DIAPH3: variants seen among roughly 807,000 people sequenced by gnomAD.
DIAPH3 encodes the protein protein diaphanous homolog 3.
DIAPH3 carries 117 observed loss-of-function variants against 144.3 expected under a neutral mutation model. The ratio of observed to expected loss-of-function variants is 0.81; its 90% CI spans 0.70 to 0.95. The LOEUF (loss-of-function observed/expected upper bound fraction) is 0.95, where lower values mean the gene tolerates loss of function less well. Among genes scored for constraint, DIAPH3 ranks in the 40% least tolerant of loss-of-function variants. The probability of loss-of-function intolerance (pLI) is 0.00; values close to 1 mark genes in which losing one functional copy is unlikely to be tolerated. For synonymous variants in DIAPH3, 519 were observed against 488.9 expected (o/e 1.06, Z -0.81); for missense variants, 1,421 against 1,412.7 (o/e 1.01, Z -0.09).
intron 17 of DIAPH3, among the ~76,000 whole-genome samples, chr13:59,933,037 C>T (rs917125824): frequency 1.3e-5 from 2 of 151,918 alleles, no homozygotes; most frequent in East Asian, 3.9e-4. Flanking sequence ...CTGATAAAGC[C>T]GCACATAAAT....
At chr13:59,799,574 C>A (rs1022916862) in intron 25 of DIAPH3, among the ~76,000 whole-genome samples, 14 of 152,190 alleles carry the variant, frequency 9.2e-5, no homozygotes, top group Non-Finnish European at 1.8e-4. Context: ...TATAAGAGCA[C>A]ATAAAACAAA....
intron 20 of DIAPH3, among the ~76,000 whole-genome samples, chr13:59,908,429 A>G (rs2140220601): frequency 6.6e-6 from 1 of 151,060 alleles, no homozygotes; most frequent in East Asian, 2.0e-4. Flanking sequence ...TATTTCTGAT[A>G]TATGCTAATT....
Position 59,992,146 on chromosome 13 carries a change from A to C in DIAPH3, c.1166T>G (p.Leu389Arg). 3 of 1,611,928 alleles carry C rather than the reference A, an allele frequency of 1.9e-6. No homozygotes were observed. Among genetic ancestry groups the C allele is most frequent in the Non-Finnish European group, 2.5e-6 (3 of 1,178,752 alleles). ...TTCTTTATGCTCATCAAAGACTTTAAGTTGGATATCCAGGCCATCATTCTT... is the reference window on the plus strand; with the variant it reads ...TTCTTTATGCTCATCAAAGACTTTACGTTGGATATCCAGGCCATCATTCTT... ...CIKNDGLDIQ[L>R]KVFDEHKEED... The change falls in exon 11 of 28, where the codon CTT becomes CGT. Residue 389 changes from leucine to arginine, a missense_variant. By Grantham distance (102) the Leu-to-Arg change is moderately radical. Coordinates refer to ENST00000400324, the MANE Select transcript of DIAPH3 (RefSeq NM_001042517.2).
intron 27 of DIAPH3, among the ~76,000 whole-genome samples, chr13:59,704,080 C>G (rs1025043616): frequency 2.6e-5 from 4 of 152,194 alleles, no homozygotes; most frequent in African/African-American, 9.7e-5. Context: ...ATCATTTCCT[C>G]AGCAAAAATA....
chr13:60,025,861 A>C (rs1478097097), intron 5 of DIAPH3, among the ~76,000 whole-genome samples: 1 of 152,140 alleles, frequency 6.6e-6, no homozygotes, highest in African/African-American at 2.4e-5. Context: ...ACTATTACAA[A>C]AATAAACAGA....
chr13:59,922,424 TTC>T (rs1454155231), intron 18 of DIAPH3, among the ~76,000 whole-genome samples: 1 of 152,094 alleles, frequency 6.6e-6, no homozygotes, highest in Admixed American at 6.6e-5. Flanking sequence ...GACTTTTAGA[TTC>T]TTTCTCCAAA....
intron 2 of DIAPH3, among the ~76,000 whole-genome samples, chr13:60,123,661 C>T (rs374985295): frequency 6.6e-6 from 1 of 152,112 alleles, no homozygotes; most frequent in African/African-American, 2.4e-5. Flanking sequence ...CATTCAGTCG[C>T]CCCAATCCAT....
intron 5 of DIAPH3, among the ~76,000 whole-genome samples, chr13:60,038,688 T>C (rs990690581): frequency 6.6e-6 from 1 of 152,188 alleles, no homozygotes; most frequent in Non-Finnish European, 1.5e-5. Flanking sequence ...TTCTTGTTAA[T>C]TTGAAAATGA....
At chr13:59,699,204 G>T (rs1170188352) in intron 27 of DIAPH3, among the ~76,000 whole-genome samples, 2 of 152,198 alleles carry the variant, frequency 1.3e-5, no homozygotes, top group African/African-American at 4.8e-5. Flanking sequence ...GAGGGTTGTG[G>T]TTGCTACTTT....
At chr13:59,882,493 G>A (rs2045131404) in intron 20 of DIAPH3, among the ~76,000 whole-genome samples, 1 of 152,156 alleles carries the variant, frequency 6.6e-6, no homozygotes, top group East Asian at 1.9e-4. Context: ...CCCGACCAAT[G>A]TTTCCGCATC....
At chr13:59,867,317 A>G (rs77820942) in intron 21 of DIAPH3, among the ~76,000 whole-genome samples, 2,581 of 151,354 alleles carry the variant, frequency 0.017, 66 homozygotes, top group East Asian at 0.099. Context: ...ACAAAACAAA[A>G]CAAGCCTAAG....
At chr13:59,808,000 A>G (rs2040280731) in intron 25 of DIAPH3, among the ~76,000 whole-genome samples, 1 of 151,934 alleles carries the variant, frequency 6.6e-6, no homozygotes, top group Non-Finnish European at 1.5e-5. Flanking sequence ...ATTAAAACCT[A>G]TATATCAAAT....
chr13:59,792,115 T>A (rs945771987), intron 25 of DIAPH3, among the ~76,000 whole-genome samples: 1 of 152,214 alleles, frequency 6.6e-6, no homozygotes, highest in Non-Finnish European at 1.5e-5. Flanking sequence ...AAATGGGCTC[T>A]ACTTGGAAAC....
Position 59,666,319 on chromosome 13 carries a change from T to C in DIAPH3, c.*265A>G, listed in dbSNP as rs1008352679. On this transcript the variant is annotated 3_prime_UTR_variant, in exon 28 of 28. Coordinates refer to ENST00000400324, the MANE Select transcript of DIAPH3 (RefSeq NM_001042517.2). Reference sequence around the variant, plus strand: ...CTGCTCTCTAAAGCAATATGTATAATTTAACCACCAAATAAAGAACTGAGG... The same window carrying C: ...CTGCTCTCTAAAGCAATATGTATAACTTAACCACCAAATAAAGAACTGAGG... The C allele has an allele frequency of 4.8e-5, 19 of 394,230 alleles. No individual in the cohort carries two copies. The highest frequency in any genetic ancestry group is 8.4e-5 in the Non-Finnish European group (19 of 226,824). 24.4% of individuals were successfully genotyped at this position (394,230 alleles called of 1,614,324 possible).
chr13:59,679,130 G>A (rs1004301589), intron 27 of DIAPH3, among the ~76,000 whole-genome samples: 1 of 152,158 alleles, frequency 6.6e-6, no homozygotes, highest in African/African-American at 2.4e-5. Context: ...AAGCAAAGAG[G>A]ACCTTTCTCA....
At chr13:59,805,651 T>C (rs2040149377) in intron 25 of DIAPH3, among the ~76,000 whole-genome samples, 1 of 151,894 alleles carries the variant, frequency 6.6e-6, no homozygotes, top group South Asian at 2.1e-4. Context: ...AAACTGTGTA[T>C]GTGAATATTT....
intron 20 of DIAPH3, among the ~76,000 whole-genome samples, chr13:59,883,318 A>G (rs2045211352): frequency 6.6e-6 from 1 of 152,158 alleles, no homozygotes; most frequent in Non-Finnish European, 1.5e-5. Flanking sequence ...TTTTTACATC[A>G]ACTTTGTTTA....
At chr13:60,102,892 C>G (rs2058313101) in intron 3 of DIAPH3, among the ~76,000 whole-genome samples, 1 of 152,036 alleles carries the variant, frequency 6.6e-6, no homozygotes, top group Admixed American at 6.6e-5. Context: ...TGTGTCCATC[C>G]AGAATGAAAG....
At chr13:59,768,236 T>C (rs1726508573) in intron 27 of DIAPH3, among the ~76,000 whole-genome samples, 1 of 152,128 alleles carries the variant, frequency 6.6e-6, no homozygotes, top group African/African-American at 2.4e-5. Context: ...GCTCCCTTTC[T>C]TAGGTTATTT....
Sources: gnomAD v4.1 joint callset for allele counts (sites outside exome capture counted in the v4.1 genomes callset) on GRCh38, gnomAD v4.1.1 for gene constraint, MANE v1.5 for transcripts, NCBI Gene and HGNC (gene_info 2026-07-23, HGNC 2026-07-21) for gene names.